The following NRXN1 variants were observed in gnomAD, a reference collection of about 807,000 sequenced individuals.
The protein encoded by NRXN1 is neurexin-1.
A neutral mutation model predicts 150.9 loss-of-function variants in NRXN1; 39 were observed. The ratio of observed to expected loss-of-function variants is 0.26; its 90% CI spans 0.20 to 0.34. The LOEUF is 0.34. Ranked by LOEUF, NRXN1 falls within the 10% of genes least tolerant of loss-of-function variation. The pLI is 1.00. For synonymous variants in NRXN1, 924 were observed against 757.0 expected (o/e 1.22, Z -3.62); for missense variants, 1,815 against 1,949.9 (o/e 0.93, Z 1.30).
chr2:50,025,990 C>G (rs1688224115), intron 21 of NRXN1, among the ~76,000 whole-genome samples: 1 of 152,204 alleles, frequency 6.6e-6, no homozygotes, highest in Non-Finnish European at 1.5e-5. Flanking sequence ...CTGCTACTGG[C>G]TCTTTCTCAC....
intron 8 of NRXN1, among the ~76,000 whole-genome samples, chr2:50,613,362 T>A (rs184451388): frequency 6.6e-6 from 1 of 152,250 alleles, no homozygotes; most frequent in African/African-American, 2.4e-5. Flanking sequence ...TCAGAGCACT[T>A]AGCTCAAATA....
chr2:50,322,511 C>T (rs1236503765), intron 17 of NRXN1, among the ~76,000 whole-genome samples: 3 of 152,114 alleles, frequency 2.0e-5, no homozygotes, highest in African/African-American at 2.4e-5. Flanking sequence ...AGGAATTTTT[C>T]AGGTGATAAC....
chr2:50,392,626 A>G (rs1412063651), intron 17 of NRXN1, among the ~76,000 whole-genome samples: 2 of 152,186 alleles, frequency 1.3e-5, no homozygotes, highest in Middle Eastern at 3.2e-3. Context: ...ATTGATATAC[A>G]GTAATAGAGG....
At chr2:50,507,636 CAAA>C (rs71404959) in intron 12 of NRXN1, among the ~76,000 whole-genome samples, 6,303 of 107,458 alleles carry the variant, frequency 0.059, 182 homozygotes, top group African/African-American at 0.14. Flanking sequence ...TCCGTCACCT[CAAA>C]AAAAAAAAAA....
At chr2:50,534,852 C>T (rs2093213502) in intron 10 of NRXN1, among the ~76,000 whole-genome samples, 1 of 152,016 alleles carries the variant, frequency 6.6e-6, no homozygotes, top group Non-Finnish European at 1.5e-5. Flanking sequence ...ATAGGGGGCA[C>T]CTCCTTTAAG....
intron 17 of NRXN1, among the ~76,000 whole-genome samples, chr2:50,390,230 A>G (rs1468920654): frequency 1.3e-5 from 2 of 152,164 alleles, no homozygotes; most frequent in African/African-American, 4.8e-5. Flanking sequence ...CCTGGAGGAC[A>G]ATGGGGTGTT....
intron 21 of NRXN1, among the ~76,000 whole-genome samples, chr2:50,039,036 G>C (rs1011817181): frequency 2.0e-5 from 3 of 151,988 alleles, no homozygotes; most frequent in African/African-American, 7.2e-5. Flanking sequence ...AAATTAGCCA[G>C]TGTGGTGGCG....
At chr2:50,757,773 A>G (rs191946886) in intron 5 of NRXN1, among the ~76,000 whole-genome samples, 1 of 151,582 alleles carries the variant, frequency 6.6e-6, no homozygotes, top group Non-Finnish European at 1.5e-5. Context: ...CCCTCAAGAG[A>G]GGAGGTAACA....
chr2:50,598,939 GT>G (rs1247301703), intron 8 of NRXN1, among the ~76,000 whole-genome samples: 1 of 151,274 alleles, frequency 6.6e-6, no homozygotes, highest in East Asian at 1.9e-4. Flanking sequence ...GTTTTGTTTT[GT>G]TTTGTACTTT....
intron 8 of NRXN1, among the ~76,000 whole-genome samples, chr2:50,561,476 AGAAGGCTAT>A (rs576736219): frequency 5.9e-4 from 90 of 152,358 alleles, no homozygotes; most frequent in Non-Finnish European, 1.1e-3. Flanking sequence ...TTAAAAGGCT[AGAAGGCTAT>A]CCAAGTTGGC....
intron 5 of NRXN1, among the ~76,000 whole-genome samples, chr2:50,814,233 G>C (rs147731826): frequency 1.7e-3 from 259 of 152,176 alleles, no homozygotes; most frequent in African/African-American, 5.9e-3. Flanking sequence ...CTGGCCTCAA[G>C]GAATCCTCCT....
intron 5 of NRXN1, among the ~76,000 whole-genome samples, chr2:50,849,645 C>G (rs1453078407): frequency 6.6e-6 from 1 of 152,212 alleles, no homozygotes; most frequent in Non-Finnish European, 1.5e-5. Flanking sequence ...GTCTTGATCC[C>G]TGTTGCAATA....
chr2:50,426,510 GT>G, intron 17 of NRXN1, among the ~76,000 whole-genome samples: 1 of 152,102 alleles, frequency 6.6e-6, no homozygotes, highest in Non-Finnish European at 1.5e-5. Flanking sequence ...ATTGTATTTT[GT>G]TTTCTACATT....
intron 21 of NRXN1, among the ~76,000 whole-genome samples, chr2:50,047,014 C>T (rs1691910973): frequency 6.6e-6 from 1 of 152,132 alleles, no homozygotes; most frequent in Admixed American, 6.6e-5. Flanking sequence ...CAGTCTATCA[C>T]ATAGAATGTA....
At chr2:50,310,866 T>C (rs765977738) in intron 17 of NRXN1, among the ~76,000 whole-genome samples, 54 of 152,308 alleles carry the variant, frequency 3.5e-4, no homozygotes, top group Middle Eastern at 3.4e-3. Flanking sequence ...TAAGACTGCA[T>C]TTATAATTAC....
At chr2:50,854,870 G>C (rs991386491) in intron 5 of NRXN1, among the ~76,000 whole-genome samples, 1 of 152,022 alleles carries the variant, frequency 6.6e-6, no homozygotes, top group Non-Finnish European at 1.5e-5. Context: ...GTAGGATGAT[G>C]TACAGGAGTG....
intron 5 of NRXN1, among the ~76,000 whole-genome samples, chr2:50,828,254 G>A (rs574285289): frequency 7.7e-4 from 115 of 148,958 alleles, no homozygotes; most frequent in Admixed American, 1.4e-3. Context: ...CGGACGGGGC[G>A]GCTGGCCGGG....
At chr2:50,239,287 T>C (rs549409884) in intron 17 of NRXN1, among the ~76,000 whole-genome samples, 34 of 151,910 alleles carry the variant, frequency 2.2e-4, no homozygotes, top group South Asian at 6.2e-4. Flanking sequence ...TACTTAATAA[T>C]TAATTTTTTT....
intron 12 of NRXN1, among the ~76,000 whole-genome samples, chr2:50,519,030 C>T (rs561594205): frequency 6.6e-6 from 1 of 151,856 alleles, no homozygotes; most frequent in African/African-American, 2.4e-5. Flanking sequence ...ACTTTATGGA[C>T]CTATTTGCTT....
Sources: allele counts gnomAD v4.1 joint callset (sites outside exome capture counted in the v4.1 genomes callset), GRCh38; gene constraint gnomAD v4.1.1; transcripts MANE v1.5; gene names NCBI Gene and HGNC (gene_info 2026-07-23, HGNC 2026-07-21).